The following MAPT variants were observed in gnomAD, a reference collection of about 807,000 sequenced individuals.
MAPT encodes the protein microtubule-associated protein tau.
Under a neutral mutation model 67.9 loss-of-function variants are expected in MAPT, and 34 were observed. That is an observed-to-expected ratio of 0.50 (90% confidence interval 0.38 to 0.67). MAPT has a LOEUF of 0.67. Ranked by LOEUF, MAPT falls within the 30% of genes least tolerant of loss-of-function variation. The pLI, the probability that MAPT is intolerant of heterozygous loss-of-function variation, is 0.00. For synonymous variants in MAPT, 456 were observed against 464.5 expected, an observed-to-expected ratio of 0.98 and a Z score of 0.23; for missense variants, 881 against 1,115.2, an observed-to-expected ratio of 0.79 and a Z score of 2.99.
intron 1 of MAPT, among the ~76,000 whole-genome samples, chr17:45,940,470 G>A (rs1598055109): frequency 6.6e-6 from 1 of 152,272 alleles, no homozygotes; most frequent in African/African-American, 2.4e-5. Context: ...TATCCCAAGT[G>A]GCTACACAGA....
At chr17:45,937,755 T>C (rs976403178) in intron 1 of MAPT, among the ~76,000 whole-genome samples, 2 of 152,028 alleles carry the variant, frequency 1.3e-5, no homozygotes, top group African/African-American at 4.8e-5. Flanking sequence ...TGGGCTTTTG[T>C]ACCATTTTGC....
At chr17:45,942,981 G>A (rs59255668) in intron 1 of MAPT, among the ~76,000 whole-genome samples, 1,850 of 152,308 alleles carry the variant, frequency 0.012, 39 homozygotes, top group African/African-American at 0.042. Flanking sequence ...CCCCAATGCC[G>A]CCATGCAGAA....
At chr17:46,006,966 A>C (rs1598367980) in intron 9 of MAPT, among the ~76,000 whole-genome samples, 1 of 122,350 alleles carries the variant, frequency 8.2e-6, no homozygotes, top group South Asian at 2.3e-4. Context: ...AAATAAAATA[A>C]AATAAAATAA....
chr17:45,974,556 G>GCAAA (rs1278012117), intron 3 of MAPT: 8 of 1,107,234 alleles, frequency 7.2e-6, no homozygotes, highest in Admixed American at 2.0e-5. Context: ...AGGGAGCTTT[G>GCAAA]CGTGTTTATC....
intron 1 of MAPT, among the ~76,000 whole-genome samples, chr17:45,903,870 ATTATATATTTATATAT>A (rs1461218477): frequency 1.4e-4 from 6 of 42,146 alleles, no homozygotes; most frequent in African/African-American, 5.2e-4. Flanking sequence ...TATATTATAT[ATTATATATTTATATAT>A]TTATATATTA....
At chr17:46,001,766 C>CTT (rs1211112639) in intron 9 of MAPT, among the ~76,000 whole-genome samples, 1 of 152,220 alleles carries the variant, frequency 6.6e-6, no homozygotes, top group Non-Finnish European at 1.5e-5. Context: ...GTGCTAAGAG[C>CTT]TTTTGCCCCC....
intron 1 of MAPT, among the ~76,000 whole-genome samples, chr17:45,930,900 C>T (rs1410962950): frequency 2.6e-5 from 4 of 152,254 alleles, no homozygotes; most frequent in Admixed American, 6.5e-5. Flanking sequence ...CCTCTGTTTC[C>T]GGGGCTGAGT....
rs976381810 is a variant in MAPT at position 46,024,638 on chromosome 17, G to C, written c.*467G>C. 4.4e-6 allele frequency: 1 copy of C among 229,040 alleles called. No homozygotes were observed. Among genetic ancestry groups the C allele is most frequent in the African/African-American group, 2.3e-5 (1 of 42,846 alleles). The allele number at this position is 229,040 out of a possible 1,614,324, so 14.2% of individuals were successfully genotyped here. On this transcript the variant is annotated 3_prime_UTR_variant, in exon 13 of 13. Coordinates refer to ENST00000262410, the MANE Select transcript of MAPT (RefSeq NM_001377265.1). The stretch of plus-strand genomic sequence containing the variant: ...GGATTTGAAACTTGGTGTGTTCGTG[G>C]AGCCACAGGCAGACGATGTCAACCT...
intron 1 of MAPT, among the ~76,000 whole-genome samples, chr17:45,933,094 CA>C (rs796738187): frequency 2.5e-4 from 34 of 138,600 alleles, no homozygotes; most frequent in African/African-American, 4.4e-4. Context: ...AACAAACAAA[CA>C]AAAAAAAAAA....
At chr17:45,902,436 G>T (rs1408214519) in intron 1 of MAPT, among the ~76,000 whole-genome samples, 1 of 152,180 alleles carries the variant, frequency 6.6e-6, no homozygotes, top group Non-Finnish European at 1.5e-5. Context: ...GATTTTGAAT[G>T]GGCACAGATG....
chr17:45,903,860 TATA>T (rs2063826921), intron 1 of MAPT, among the ~76,000 whole-genome samples: 1 of 50,600 alleles, frequency 2.0e-5, no homozygotes, highest in African/African-American at 7.1e-5. Context: ...ATATATTATA[TATA>T]TTATATATTA....
rs367621316 is a variant in MAPT, at chr17:46,024,220, G to A, written c.*49G>A. 7.3e-5 allele frequency: 113 copies of A among 1,540,214 alleles called. 1 individual carries two copies. Among genetic ancestry groups the A allele is most frequent in the Non-Finnish European group, 3.5e-5 (39 of 1,115,400 alleles). Reference sequence around the variant, plus strand: ...ATTGTGGAGAGGAGAGAATGAGAGAGTGTGGAAAAAAAAAGAATAATGACC... The same window carrying A: ...ATTGTGGAGAGGAGAGAATGAGAGAATGTGGAAAAAAAAAGAATAATGACC... On this transcript the variant is annotated 3_prime_UTR_variant, in exon 13 of 13. Coordinates refer to ENST00000262410, the MANE Select transcript of MAPT (RefSeq NM_001377265.1).
At chr17:45,935,342 C>A (rs114501524) in intron 1 of MAPT, among the ~76,000 whole-genome samples, 1 of 152,128 alleles carries the variant, frequency 6.6e-6, no homozygotes, top group African/African-American at 2.4e-5. Flanking sequence ...TAATGCAGTC[C>A]TGGCCTCTTC....
At chr17:45,976,235 G>A (rs2072332749) in intron 3 of MAPT, 1 of 152,312 alleles carries the variant, frequency 6.6e-6, no homozygotes, top group Non-Finnish European at 1.5e-5. Flanking sequence ...CCAAAGCAAG[G>A]CCAGCCCATC....
chr17:46,014,192 C>G, intron 10 of MAPT, 51 bp from the exon 11 acceptor site: 2 of 1,040,172 alleles, frequency 1.9e-6, no homozygotes, highest in Non-Finnish European at 3.0e-6. Context: ...GTCTCTCTGT[C>G]TTCCTCTCTC....
At chr17:45,992,029 ACCTGC>A (rs1465441952) in intron 8 of MAPT, among the ~76,000 whole-genome samples, 1 of 151,940 alleles carries the variant, frequency 6.6e-6, no homozygotes. Context: ...CAGGTGATCC[ACCTGC>A]CTCGGCCTCC....
In MAPT at chr17:45,983,395, C is replaced by T; in HGVS notation, c.816C>T (p.His272=). ...LLKHQLLGDL[H]QEGPPLKGAG... ...AGCACCAGCTTCTAGGAGACCTGCA[C>T]CAGGAGGGGCCGCCGCTGAAGGGGG... is the stretch of plus-strand genomic sequence containing the variant. Residue 272 remains histidine, a synonymous_variant, in exon 5 of 13, where the codon CAC becomes CAT. Coordinates refer to ENST00000262410, the MANE Select transcript of MAPT (RefSeq NM_001377265.1). The T allele has an allele frequency of 6.2e-7, 1 of 1,607,286 alleles. No individual in the cohort carries two copies. Among genetic ancestry groups the T allele is most frequent in the Non-Finnish European group, 8.5e-7 (1 of 1,176,780 alleles).
chr17:45,977,064 G>C (rs893154412), intron 3 of MAPT: 1 of 153,428 alleles, frequency 6.5e-6, no homozygotes, highest in African/African-American at 2.4e-5. Context: ...GTCACCACTG[G>C]GCATCGTGGG....
intron 1 of MAPT, among the ~76,000 whole-genome samples, chr17:45,952,281 C>G (rs1216698446): frequency 1.3e-5 from 2 of 152,106 alleles, no homozygotes; most frequent in African/African-American, 4.8e-5. Flanking sequence ...AGGAGGTGGG[C>G]AGCAGGGGTC....
Sources: allele counts gnomAD v4.1 joint callset (sites outside exome capture counted in the v4.1 genomes callset), GRCh38; gene constraint gnomAD v4.1.1; transcripts MANE v1.5; gene names NCBI Gene and HGNC (gene_info 2026-07-23, HGNC 2026-07-21).